The following CCDC174 variants were observed in gnomAD, a reference collection of about 807,000 sequenced individuals.
The protein encoded by CCDC174 is coiled-coil domain-containing protein 174.
In CCDC174, 37 loss-of-function variants were observed where a neutral mutation model predicts 57.1. That is an observed-to-expected ratio of 0.65 (90% CI 0.50 to 0.85). The LOEUF is 0.85. CCDC174 is among the 40% of genes least tolerant of loss of function. CCDC174 has a pLI of 0.00. For missense variants in CCDC174, 540 were observed against 574.3 expected (o/e 0.94, Z 0.61); for synonymous variants, 182 against 190.2 (o/e 0.96, Z 0.35).
intron 4 of CCDC174, 137 bp downstream of exon 4, chr3:14,659,066 G>A: frequency 2.4e-6 from 2 of 835,948 alleles, no homozygotes; most frequent in Non-Finnish European, 1.7e-6. Flanking sequence ...GCTGCACAGA[G>A]ACAAGAAAAT....
rs1015302432 is a variant in CCDC174 at position 14,658,794 on chromosome 3, T to C, written c.249-77T>C. 10 of 1,437,782 alleles carry C rather than the reference T, an allele frequency of 7.0e-6. 1 individual carries two copies. In the African/African-American group the frequency reaches 1.4e-4, roughly 20 times the overall value. 89.1% of individuals were successfully genotyped at this position (1,437,782 alleles called of 1,614,324 possible). On this transcript the variant is annotated intron_variant, in intron 3 of 10. Transcript: ENST00000383794. ...GGGCCTCATGGGCAGATGGTACCTG[T>C]CAGGCAGGGAGTGTGGGGGCAACCA... is the stretch of plus-strand genomic sequence containing the variant.
intron 2 of CCDC174, among the ~76,000 whole-genome samples, chr3:14,654,982 A>T (rs958067800): frequency 6.6e-6 from 1 of 152,354 alleles, no homozygotes; most frequent in African/African-American, 2.4e-5. Context: ...GGTTGTAATC[A>T]TTCAGGAGAT....
At chr3:14,658,562 A>C (rs1374353108) in intron 3 of CCDC174, among the ~76,000 whole-genome samples, 1 of 152,248 alleles carries the variant, frequency 6.6e-6, no homozygotes, top group African/African-American at 2.4e-5. Flanking sequence ...CAGTTGATCC[A>C]CTTATTCATT....
At chr3:14,664,960 T>TA in intron 5 of CCDC174, 68 bp from the exon 6 acceptor site, 1 of 1,134,238 alleles carries the variant, frequency 8.8e-7, no homozygotes, top group South Asian at 1.2e-5. Context: ...ACTGTTCACC[T>TA]ACTCCCTGAC....
chr3:14,666,993 A>G, intron 7 of CCDC174, 46 bp downstream of exon 7: 1 of 1,495,530 alleles, frequency 6.7e-7, no homozygotes. Flanking sequence ...TTTTAACCTT[A>G]AACTGATGGC....
rs758883419 is a variant in CCDC174 at position 14,658,795 on chromosome 3, C to T, written c.249-76C>T. ...GGCCTCATGGGCAGATGGTACCTGT[C>T]AGGCAGGGAGTGTGGGGGCAACCAG... is the stretch of plus-strand genomic sequence containing the variant. On this transcript the variant is annotated intron_variant, in intron 3 of 10. Coordinates refer to ENST00000383794, the MANE Select transcript of CCDC174 (RefSeq NM_016474.5). The T allele has an allele frequency of 3.8e-4, 552 of 1,443,054 alleles. 1 individual carries two copies. The highest frequency in any genetic ancestry group is 4.9e-4 in the Non-Finnish European group (516 of 1,063,178). The allele number at this position is 1,443,054 out of a possible 1,614,324, so 89.4% of individuals were successfully genotyped here.
intron 3 of CCDC174, among the ~76,000 whole-genome samples, chr3:14,656,051 C>G (rs73816112): frequency 0.016 from 2,466 of 151,886 alleles, 49 homozygotes; most frequent in African/African-American, 0.056. Context: ...ATGTGCTTTC[C>G]CTCTCTCTCT....
intron 2 of CCDC174, among the ~76,000 whole-genome samples, chr3:14,654,984 TC>T (rs2030902086): frequency 6.6e-6 from 1 of 152,236 alleles, no homozygotes. Context: ...TTGTAATCAT[TC>T]AGGAGATAAA....
rs1283170197 is a variant in CCDC174 at position 14,670,096 on chromosome 3, G to T, written c.1105+10G>T. On this transcript the variant is annotated intron_variant, in intron 10 of 10. Transcript: ENST00000383794. ...TGGGACCGCGGAAAAGGTAAGGGAG[G>T]TGGGCTCTGAGGTGTAAGAACTCTC... The T allele has an allele frequency of 6.2e-7, 1 of 1,603,924 alleles. No individual in the cohort carries two copies. The highest frequency in any genetic ancestry group is 8.5e-7 in the Non-Finnish European group (1 of 1,177,322).
At chr3:14,668,217 A>G (rs1177541736) in intron 9 of CCDC174, 36 bp downstream of exon 9, 2 of 1,556,984 alleles carry the variant, frequency 1.3e-6, no homozygotes, top group Admixed American at 4.2e-5. Context: ...TTCAAAAGGG[A>G]AAATTTTATT....
intron 1 of CCDC174, among the ~76,000 whole-genome samples, chr3:14,653,976 G>A (rs1478959445): frequency 1.3e-5 from 2 of 152,158 alleles, no homozygotes; most frequent in African/African-American, 4.8e-5. Context: ...GGCTCTTTGA[G>A]GCAGAGAGTA....
intron 4 of CCDC174, 53 bp from the exon 5 acceptor site, chr3:14,661,477 T>C (rs2031132950): frequency 6.6e-7 from 1 of 1,512,482 alleles, no homozygotes. Context: ...TTCTTGTCCA[T>C]TCCATGTGTG....
At chr3:14,667,293 G>C in intron 7 of CCDC174, 131 bp from the exon 8 acceptor site, 1 of 765,888 alleles carries the variant, frequency 1.3e-6, no homozygotes, top group Non-Finnish European at 2.2e-6. Context: ...TCGCTTAGCT[G>C]TTTTCTTTTT....
intron 7 of CCDC174, 70 bp from the exon 8 acceptor site, chr3:14,667,354 G>A: frequency 1.7e-6 from 2 of 1,158,252 alleles, no homozygotes; most frequent in Non-Finnish European, 2.6e-6. Flanking sequence ...GCTTTGGTAG[G>A]AAATGTGGCT....
chr3:14,661,923 A>G (rs535470402), intron 5 of CCDC174: 5 of 479,866 alleles, frequency 1.0e-5, no homozygotes, highest in South Asian at 3.0e-5. Flanking sequence ...ATAATTACAT[A>G]TAATTACAAA....
intron 3 of CCDC174, among the ~76,000 whole-genome samples, chr3:14,656,083 G>A (rs13091225): frequency 0.44 from 66,333 of 151,958 alleles, 16,455 homozygotes; most frequent in South Asian, 0.66. Context: ...ACACGCGTGT[G>A]TAGAGAGACT....
intron 8 of CCDC174, 140 bp from the exon 9 acceptor site, chr3:14,667,909 G>A: frequency 1.3e-6 from 1 of 748,086 alleles, no homozygotes; most frequent in Non-Finnish European, 2.2e-6. Context: ...GGGCTTCATT[G>A]TGAGGATCTC....
intron 9 of CCDC174, among the ~76,000 whole-genome samples, chr3:14,668,699 T>G (rs1035991609): frequency 1.3e-5 from 2 of 152,194 alleles, no homozygotes; most frequent in Admixed American, 6.5e-5. Context: ...TCAGACTAGC[T>G]TATTGCATGA....
chr3:14,666,834 T>C lies in CCDC174; in HGVS notation c.611T>C (p.Leu204Pro), dbSNP rs1319642177. The change falls in exon 7 of 11, where the codon CTA becomes CCA. Residue 204 changes from leucine to proline, a missense_variant. Leu to Pro is a moderately conservative substitution (Grantham distance 98). Transcript: ENST00000383794. Reference sequence around the variant, plus strand: ...ATTAGTCCTGCTAATGAAAAAACCCTATTATCTGAAGATATGAGAAAAGAA... The same window carrying C: ...ATTAGTCCTGCTAATGAAAAAACCCCATTATCTGAAGATATGAGAAAAGAA... The part of the protein sequence containing the change: ...LFISPANEKT[L>P]LSEDMRKELQ... 6.3e-7 allele frequency: 1 copy of C among 1,589,172 alleles called. No individual in the cohort carries two copies. Among genetic ancestry groups the C allele is most frequent in the Non-Finnish European group, 8.5e-7 (1 of 1,173,936 alleles).
Sources: allele counts gnomAD v4.1 joint callset (sites outside exome capture counted in the v4.1 genomes callset), GRCh38; gene constraint gnomAD v4.1.1; transcripts MANE v1.5; gene names NCBI Gene and HGNC (gene_info 2026-07-23, HGNC 2026-07-21).